The following PREX2 variants were observed in gnomAD, a reference collection of about 807,000 sequenced individuals.
PREX2 encodes phosphatidylinositol 3,4,5-trisphosphate-dependent Rac exchanger 2 protein.
A neutral mutation model predicts 203.2 loss-of-function variants in PREX2; 107 were observed. That is an observed-to-expected ratio of 0.53 (90% CI 0.45 to 0.62). The LOEUF is 0.62. PREX2 is among the 20% of genes least tolerant of loss of function. The pLI, the probability that PREX2 is intolerant of heterozygous loss-of-function variation, is 0.00. For missense variants in PREX2, 1,777 were observed against 1,955.9 expected (o/e 0.91, Z 1.72); for synonymous variants, 672 against 663.6 (o/e 1.01, Z -0.19).
At chr8:68,186,686 G>A (rs900722860) in intron 35 of PREX2, among the ~76,000 whole-genome samples, 15 of 151,982 alleles carry the variant, frequency 9.9e-5, no homozygotes, top group African/African-American at 1.9e-4. Context: ...GCTAATTTTC[G>A]TATTTTTAGT....
At position 68,119,183 on chromosome 8, in the gene PREX2, T is replaced by C. The variant is rs867506879; in HGVS notation, c.3422-249T>C. On this transcript the variant is annotated intron_variant, in intron 27 of 39. Coordinates refer to ENST00000288368, the MANE Select transcript of PREX2 (RefSeq NM_024870.4). ...CAGTTTATGTCAACTCTTCAACCAC[T>C]GGAGGAACATCATTTGAAAGAGTCT... 2.6e-5 allele frequency among the ~76,000 whole-genome samples: 4 copies of C among 152,348 alleles called. No individual in the cohort carries two copies. In the South Asian group the frequency reaches 8.3e-4, roughly 32 times the overall value.
At chr8:67,963,095 GCCTCC>G (rs1184713925) in intron 1 of PREX2, among the ~76,000 whole-genome samples, 1 of 152,080 alleles carries the variant, frequency 6.6e-6, no homozygotes, top group Non-Finnish European at 1.5e-5. Context: ...ACATTTCTCA[GCCTCC>G]CATGCAGATA....
intron 1 of PREX2, among the ~76,000 whole-genome samples, chr8:67,982,697 T>C (rs2129609245): frequency 6.6e-6 from 1 of 152,344 alleles, no homozygotes; most frequent in East Asian, 1.9e-4. Context: ...GTATTTTGCC[T>C]TTATATTTCC....
rs545642909 is a variant in PREX2, at chr8:68,084,646, G to A, written c.2027+1258G>A. The stretch of plus-strand genomic sequence containing the variant: ...AGCCTGACACTCACTTTTTACTAAT[G>A]TAGGAAGACGGGGCTAGAGGGCAGG... On this transcript the variant is annotated intron_variant, in intron 18 of 39. Coordinates refer to ENST00000288368, the MANE Select transcript of PREX2 (RefSeq NM_024870.4). Among the ~76,000 whole-genome samples, 12 of 152,206 alleles carry A rather than the reference G, an allele frequency of 7.9e-5. No individual in the cohort carries two copies. In the South Asian group the frequency reaches 2.5e-3, roughly 32 times the overall value.
chr8:68,069,259 C>A, intron 12 of PREX2, 123 bp downstream of exon 12: 2 of 584,100 alleles, frequency 3.4e-6, no homozygotes, highest in Admixed American at 3.9e-5. Flanking sequence ...ACTATATATA[C>A]AAGCAAGCCT....
intron 23 of PREX2, chr8:68,106,347 C>T (rs754929688): frequency 9.8e-6 from 5 of 510,178 alleles, no homozygotes; most frequent in African/African-American, 5.9e-5. Context: ...TCCAAGTCAC[C>T]GTTTCTTTAT....
At chr8:68,093,558 T>C (rs781461274) in intron 20 of PREX2, 47 bp from the exon 21 acceptor site, 1 of 855,218 alleles carries the variant, frequency 1.2e-6, no homozygotes, top group Non-Finnish European at 1.9e-6. Flanking sequence ...GCATGTATTT[T>C]AGGAAGCACT....
chr8:68,008,400 T>G (rs973775379), intron 1 of PREX2, among the ~76,000 whole-genome samples: 1 of 150,486 alleles, frequency 6.6e-6, no homozygotes, highest in Non-Finnish European at 1.5e-5. Context: ...AGGGGTGATA[T>G]GTTGAATGAA....
At chr8:68,167,009 G>C (rs1215040517) in intron 35 of PREX2, among the ~76,000 whole-genome samples, 1 of 152,148 alleles carries the variant, frequency 6.6e-6, no homozygotes, top group Non-Finnish European at 1.5e-5. Context: ...AGCATTTGTA[G>C]AGAACTTGTA....
intron 34 of PREX2, among the ~76,000 whole-genome samples, chr8:68,149,326 T>G (rs1811387237): frequency 6.6e-6 from 1 of 152,212 alleles, no homozygotes; most frequent in African/African-American, 2.4e-5. Context: ...GCGGCCAATG[T>G]GTATTGCTGA....
At chr8:67,962,048 A>C (rs1341316980) in intron 1 of PREX2, among the ~76,000 whole-genome samples, 3 of 152,232 alleles carry the variant, frequency 2.0e-5, no homozygotes, top group Non-Finnish European at 2.9e-5. Context: ...ATATAGATGG[A>C]TAAACATTTT....
intron 18 of PREX2, among the ~76,000 whole-genome samples, chr8:68,087,358 G>GA (rs912720590): frequency 1.1e-4 from 17 of 151,968 alleles, no homozygotes; most frequent in Admixed American, 6.6e-5. Flanking sequence ...CTGTGTTTAT[G>GA]AAAAAAATAA....
chr8:68,033,054 A>T (rs975646109), intron 6 of PREX2, among the ~76,000 whole-genome samples: 2 of 152,094 alleles, frequency 1.3e-5, no homozygotes, highest in South Asian at 2.1e-4. Context: ...TTATTCTCTC[A>T]CTTAATTATC....
chr8:68,017,918 G>A lies in PREX2; in HGVS notation c.213+1G>A, dbSNP rs1279275181. On this transcript the variant is annotated splice_donor_variant, in intron 2 of 39. Transcript: ENST00000288368. LOFTEE classifies it high-confidence loss of function. ...AAATGTGACAGAAGAAACAGTGAAGGTGAGGAGGTACAACTGGCCTTCAAC... is the reference window on the plus strand; with the variant it reads ...AAATGTGACAGAAGAAACAGTGAAGATGAGGAGGTACAACTGGCCTTCAAC... 6.2e-7 allele frequency: 1 copy of A among 1,610,198 alleles called. No homozygotes were observed. Among genetic ancestry groups the A allele is most frequent in the Non-Finnish European group, 8.5e-7 (1 of 1,177,622 alleles).
intron 31 of PREX2, among the ~76,000 whole-genome samples, chr8:68,131,963 C>T (rs1288941707): frequency 6.6e-6 from 1 of 152,058 alleles, no homozygotes; most frequent in East Asian, 1.9e-4. Flanking sequence ...CACTATAGAA[C>T]ATATGAAAAA....
chr8:68,040,806 G>C (rs1808173415), intron 7 of PREX2, among the ~76,000 whole-genome samples: 1 of 152,298 alleles, frequency 6.6e-6, no homozygotes, highest in Non-Finnish European at 1.5e-5. Context: ...GAGCAGACCT[G>C]TGATAGACAG....
chr8:68,105,357 G>C, intron 23 of PREX2: 1 of 1,365,932 alleles, frequency 7.3e-7, no homozygotes, highest in Non-Finnish European at 9.8e-7. Flanking sequence ...GAGGGCCCCT[G>C]TCTGATTCTT....
At chr8:68,145,229 T>TA (rs1811302118) in intron 33 of PREX2, among the ~76,000 whole-genome samples, 1 of 152,290 alleles carries the variant, frequency 6.6e-6, no homozygotes, top group East Asian at 1.9e-4. Context: ...TGTCTTCATT[T>TA]AAAAAATAGT....
chr8:68,105,577 C>G (rs1234025622), intron 23 of PREX2: 1 of 1,091,266 alleles, frequency 9.2e-7, no homozygotes, highest in Non-Finnish European at 1.1e-6. Flanking sequence ...TCAGCTTGTA[C>G]CAAAATTTCT....
Sources: gnomAD v4.1 joint callset for allele counts (sites outside exome capture counted in the v4.1 genomes callset) on GRCh38, gnomAD v4.1.1 for gene constraint, MANE v1.5 for transcripts, NCBI Gene and HGNC (gene_info 2026-07-23, HGNC 2026-07-21) for gene names.